Variants in SMAD2 observed in about 807,000 individuals in gnomAD.
The protein encoded by SMAD2 is MAD homolog 2.
A neutral mutation model predicts 64.4 loss-of-function variants in SMAD2; 8 were observed. The ratio of observed to expected loss-of-function variants is 0.12; its 90% CI spans 0.07 to 0.22. The LOEUF is 0.22. Among genes scored for constraint, SMAD2 ranks in the 10% least tolerant of loss-of-function variants. The pLI, the probability that SMAD2 is intolerant of heterozygous loss-of-function variation, is 1.00. For synonymous variants in SMAD2, 203 were observed against 195.8 expected (o/e 1.04, Z -0.31); for missense variants, 289 against 561.2 (o/e 0.51, Z 4.90).
rs1459198842 is a variant in SMAD2 at position 47,815,989 on chromosome 18, C to A, written c.*25838G>T. The A allele has an allele frequency of 6.6e-6, 1 of 152,192 alleles. No individual in the cohort carries two copies. Among genetic ancestry groups the A allele is most frequent in the Non-Finnish European group, 1.5e-5 (1 of 68,066 alleles). The allele number at this position is 152,192 out of a possible 1,614,324, so 9.4% of individuals were successfully genotyped here. A position where few individuals can be genotyped will look rare whatever the true frequency, so the allele number is the denominator to read the frequency against. On this transcript the variant is annotated 3_prime_UTR_variant, in exon 11 of 11. Transcript: ENST00000262160. ...ACATAAAATACCATTTTTCCTCTAC[C>A]ACTTGGCTAAGAAGCTGAGGAGGAA...
In SMAD2 at chr18:47,891,272, C is replaced by T. The variant is rs145512985; in HGVS notation, c.236+5249G>A. ...GTGAGCCGAGATCCCGCCACTGCAC[C>T]GCAGCCTGGGCAGTAAGAGCAAAAC... On this transcript the variant is annotated intron_variant, in intron 2 of 10. Transcript: ENST00000262160. 2.8e-3 allele frequency among the ~76,000 whole-genome samples: 427 copies of T among 152,212 alleles called. 4 individuals are homozygous for T. The highest frequency in any genetic ancestry group is 4.1e-3 in the Non-Finnish European group (280 of 68,008).
chr18:47,919,468 ATAC>A (rs1568116788), intron 1 of SMAD2, among the ~76,000 whole-genome samples: 4 of 77,352 alleles, frequency 5.2e-5, no homozygotes, highest in Non-Finnish European at 7.7e-5. Flanking sequence ...AAAAAAAAAA[ATAC>A]ACACACACAC....
At chr18:47,863,909 T>C (rs2031373155) in intron 6 of SMAD2, among the ~76,000 whole-genome samples, 1 of 152,152 alleles carries the variant, frequency 6.6e-6, no homozygotes, top group African/African-American at 2.4e-5. Flanking sequence ...ATATGAGGAC[T>C]CCAATTTCTC....
rs1913882050 is a variant in SMAD2 at position 47,840,928 on chromosome 18, A to C, written c.*899T>G. On this transcript the variant is annotated 3_prime_UTR_variant, in exon 11 of 11. Coordinates refer to ENST00000262160, the MANE Select transcript of SMAD2 (RefSeq NM_005901.6). ...ACAGACTGCTAGATTATACAAGCCA[A>C]TTATTCCTGTTGAAATTTGGGCATA... 4.3e-6 allele frequency: 1 copy of C among 232,442 alleles called. No individual in the cohort carries two copies. The highest frequency in any genetic ancestry group is 8.5e-6 in the Non-Finnish European group (1 of 117,602). The allele number at this position is 232,442 out of a possible 1,614,324, so 14.4% of individuals were successfully genotyped here.
chr18:47,860,045 A>G (rs1010753658), intron 6 of SMAD2, among the ~76,000 whole-genome samples: 4 of 151,978 alleles, frequency 2.6e-5, no homozygotes, highest in Non-Finnish European at 5.9e-5. Context: ...TAAAGTGGGG[A>G]AGATTGCCTG....
intron 6 of SMAD2, among the ~76,000 whole-genome samples, chr18:47,864,801 G>A (rs1295003868): frequency 1.3e-5 from 2 of 151,974 alleles, no homozygotes; most frequent in Non-Finnish European, 2.9e-5. Context: ...AGAAATAAAA[G>A]TATGTGCATG....
At position 47,830,798 on chromosome 18, in the gene SMAD2, T is replaced by C. The variant is rs1264430395; in HGVS notation, c.*11029A>G. 1 of 156,948 alleles carries C rather than the reference T, an allele frequency of 6.4e-6. No homozygotes were observed. The highest frequency in any genetic ancestry group is 1.4e-5 in the Non-Finnish European group (1 of 70,552). 9.7% of individuals were successfully genotyped at this position (156,948 alleles called of 1,614,324 possible). Reference sequence around the variant, plus strand: ...ATGAATTTCTTAAGTTCAAGATACGTACTCTCAATGGAGAATCGCTGTTGG... The same window carrying C: ...ATGAATTTCTTAAGTTCAAGATACGCACTCTCAATGGAGAATCGCTGTTGG... On this transcript the variant is annotated 3_prime_UTR_variant, in exon 11 of 11. Coordinates refer to ENST00000262160, the MANE Select transcript of SMAD2 (RefSeq NM_005901.6).
chr18:47,842,885 G>A (rs1190449217), intron 10 of SMAD2, among the ~76,000 whole-genome samples: 9 of 152,232 alleles, frequency 5.9e-5, no homozygotes, highest in Non-Finnish European at 1.2e-4. Context: ...ACTTCCATGC[G>A]CTGATTTTAG....
chr18:47,894,999 G>A (rs1381339577), intron 2 of SMAD2, among the ~76,000 whole-genome samples: 2 of 152,148 alleles, frequency 1.3e-5, no homozygotes, highest in African/African-American at 4.8e-5. Flanking sequence ...CTATCGTCTT[G>A]CATTTAGATT....
At chr18:47,903,051 C>T (rs1179852244) in intron 1 of SMAD2, among the ~76,000 whole-genome samples, 1 of 152,136 alleles carries the variant, frequency 6.6e-6, no homozygotes, top group South Asian at 2.1e-4. Context: ...TGAGGGAGAT[C>T]CCCTAAGGAG....
chr18:47,818,139 GCTCT>G lies in SMAD2; in HGVS notation c.*23684_*23687del, dbSNP rs1285567137. 9.9e-5 allele frequency: 15 copies of G among 152,016 alleles called. No individual in the cohort carries two copies. The highest frequency in any genetic ancestry group is 1.6e-4 in the Non-Finnish European group (11 of 68,018). 9.4% of individuals were successfully genotyped at this position (152,016 alleles called of 1,614,324 possible). A position where few individuals can be genotyped will look rare whatever the true frequency, so the allele number is the denominator to read the frequency against. On this transcript the variant is annotated 3_prime_UTR_variant, in exon 11 of 11. Coordinates refer to ENST00000262160, the MANE Select transcript of SMAD2 (RefSeq NM_005901.6). ...AGAGTTGATATGTAGAGTCTTCTAA[GCTCT>G]CTAATTTTTTTTCTGCCTACTTTAA...
At position 47,834,035 on chromosome 18, in the gene SMAD2, A is replaced by G. The variant is rs1187032410; in HGVS notation, c.*7792T>C. ...TGGATCACTAAGTGTGAGTCTCACC[A>G]CCATACTGGTACCTTCAGCTATTAC... On this transcript the variant is annotated 3_prime_UTR_variant, in exon 11 of 11. Coordinates refer to ENST00000262160, the MANE Select transcript of SMAD2 (RefSeq NM_005901.6). 4.5e-6 allele frequency: 1 copy of G among 221,272 alleles called. No homozygotes were observed. The highest frequency in any genetic ancestry group is 6.6e-5 in the East Asian group (1 of 15,260). The allele number at this position is 221,272 out of a possible 1,614,324, so 13.7% of individuals were successfully genotyped here.
Position 47,840,982 on chromosome 18 carries a change from C to T in SMAD2, c.*845G>A, listed in dbSNP as rs867897361. Reference sequence around the variant, plus strand: ...CAAAGGGACTTTCTCCATATGAATTCTTACTGTATCCCAGAATTAACTGGT... The same window carrying T: ...CAAAGGGACTTTCTCCATATGAATTTTTACTGTATCCCAGAATTAACTGGT... On this transcript the variant is annotated 3_prime_UTR_variant, in exon 11 of 11. Coordinates refer to ENST00000262160, the MANE Select transcript of SMAD2 (RefSeq NM_005901.6). The T allele has an allele frequency of 1.7e-5, 4 of 232,550 alleles. No individual in the cohort carries two copies. The highest frequency in any genetic ancestry group is 2.6e-5 in the Non-Finnish European group (3 of 117,612). The allele number at this position is 232,550 out of a possible 1,614,324, so 14.4% of individuals were successfully genotyped here. A position where few individuals can be genotyped will look rare whatever the true frequency, so the allele number is the denominator to read the frequency against.
In SMAD2 at chr18:47,829,624, G is replaced by C. The variant is rs1218326660; in HGVS notation, c.*12203C>G. On this transcript the variant is annotated 3_prime_UTR_variant, in exon 11 of 11. Transcript: ENST00000262160. ...TTTTCTAGGGGTTTATTTAATTATA[G>C]GGGGGTTGGGGTAGAGAGATTAAAA... 1 of 6,496 alleles carries C rather than the reference G, an allele frequency of 1.5e-4. No homozygotes were observed. Among genetic ancestry groups the C allele is most frequent in the African/African-American group, 1.6e-4 (1 of 6,066 alleles). 0.4% of individuals were successfully genotyped at this position (6,496 alleles called of 1,614,324 possible). A position where few individuals can be genotyped will look rare whatever the true frequency, so the allele number is the denominator to read the frequency against.
At chr18:47,845,537 G>A (rs1174770709) in intron 9 of SMAD2, 53 bp from the exon 10 acceptor site, 1 of 1,585,358 alleles carries the variant, frequency 6.3e-7, no homozygotes, top group East Asian at 2.2e-5. Flanking sequence ...TTATTAAAAA[G>A]TAATTTTAAA....
At position 47,898,227 on chromosome 18, in the gene SMAD2, A is replaced by G. The variant is rs190916609; in HGVS notation, c.-53-1418T>C. Reference sequence around the variant, plus strand: ...TTATCATTCCACATTGCTGGTGAAAAGGTCAAATGTGACAGCTTTATTCTA... The same window carrying G: ...TTATCATTCCACATTGCTGGTGAAAGGGTCAAATGTGACAGCTTTATTCTA... On this transcript the variant is annotated intron_variant, in intron 1 of 10. Transcript: ENST00000262160. 2.2e-4 allele frequency among the ~76,000 whole-genome samples: 34 copies of G among 152,364 alleles called. No homozygotes were observed. In the South Asian group the frequency reaches 3.9e-3, roughly 18 times the overall value.
Position 47,812,116 on chromosome 18 carries a change from T to C in SMAD2, c.*29711A>G, listed in dbSNP as rs758801892. On this transcript the variant is annotated 3_prime_UTR_variant, in exon 11 of 11. Coordinates refer to ENST00000262160, the MANE Select transcript of SMAD2 (RefSeq NM_005901.6). ...GTCCCCACCCAAATCTCATCTTGAATTGGAGCTCCCATAATTCCCCATATT... is the reference window on the plus strand; with the variant it reads ...GTCCCCACCCAAATCTCATCTTGAACTGGAGCTCCCATAATTCCCCATATT... 20 of 152,162 alleles carry C rather than the reference T, an allele frequency of 1.3e-4. No homozygotes were observed. The highest frequency in any genetic ancestry group is 2.4e-4 in the Non-Finnish European group (16 of 68,030). 9.4% of individuals were successfully genotyped at this position (152,162 alleles called of 1,614,324 possible).
rs1915120334 is a variant in SMAD2, at chr18:47,850,346, T to C, written c.784+928A>G. Among the ~76,000 whole-genome samples, 3 of 51,888 alleles carry C rather than the reference T, an allele frequency of 5.8e-5. 1 individual carries two copies. Among genetic ancestry groups the C allele is most frequent in the Non-Finnish European group, 9.1e-5 (3 of 32,856 alleles). 34.0% of individuals were successfully genotyped at this position (51,888 alleles called of 152,430 possible). ...TATTATGTATAATATATGTTATATA[T>C]ATTATACATAATATGTATAATATAT... On this transcript the variant is annotated intron_variant, in intron 7 of 10. Coordinates refer to ENST00000262160, the MANE Select transcript of SMAD2 (RefSeq NM_005901.6).
chr18:47,924,248 CAA>C (rs201933597), intron 1 of SMAD2, among the ~76,000 whole-genome samples: 11 of 99,718 alleles, frequency 1.1e-4, no homozygotes, highest in Admixed American at 3.3e-4. Context: ...AACTCCGTCT[CAA>C]AAAAAAAAAA....
Sources: gnomAD v4.1 joint callset for allele counts (sites outside exome capture counted in the v4.1 genomes callset) on GRCh38, gnomAD v4.1.1 for gene constraint, MANE v1.5 for transcripts, NCBI Gene and HGNC (gene_info 2026-07-23, HGNC 2026-07-21) for gene names.